The following DSCAML1 variants were observed in gnomAD, a reference collection of about 807,000 sequenced individuals.
The protein encoded by DSCAML1 is DS cell adhesion molecule like 1.
In DSCAML1, 38 loss-of-function variants were observed where a neutral mutation model predicts 200.5. That is an observed-to-expected ratio of 0.19 (90% CI 0.15 to 0.25). The LOEUF (loss-of-function observed/expected upper bound fraction) is 0.25. Ranked by LOEUF, DSCAML1 falls within the 10% of genes least tolerant of loss-of-function variation. The pLI is 1.00. For missense variants in DSCAML1, 2,223 were observed against 2,858.8 expected (o/e 0.78, Z 5.07); for synonymous variants, 1,215 against 1,165.0 (o/e 1.04, Z -0.87).
intron 3 of DSCAML1, among the ~76,000 whole-genome samples, chr11:117,539,809 G>A (rs1242819286): frequency 6.6e-6 from 1 of 152,020 alleles, no homozygotes; most frequent in Non-Finnish European, 1.5e-5. Context: ...CAGGGAGAGA[G>A]ATATTTGCAC....
intron 19 of DSCAML1, among the ~76,000 whole-genome samples, chr11:117,458,169 C>G (rs550045633): frequency 3.1e-4 from 47 of 152,318 alleles, no homozygotes; most frequent in African/African-American, 1.1e-3. Flanking sequence ...CCAGCCTCCC[C>G]TTTTCCCCTG....
chr11:117,813,987 AAAG>A (rs747364269), intron 1 of DSCAML1, among the ~76,000 whole-genome samples: 56 of 152,194 alleles, frequency 3.7e-4, no homozygotes, highest in Non-Finnish European at 7.5e-4. Flanking sequence ...AAGAATCACA[AAAG>A]AAGTGAAAAG....
chr11:117,438,990 G>A lies in DSCAML1; in HGVS notation c.4145-7C>T, dbSNP rs2047981014. 6.3e-6 allele frequency: 10 copies of A among 1,597,692 alleles called. No individual in the cohort carries two copies. The highest frequency in any genetic ancestry group is 2.7e-5 in the African/African-American group (2 of 73,842). On this transcript the variant is annotated splice_polypyrimidine_tract_variant and splice_region_variant and intron_variant, in intron 23 of 32. Transcript: ENST00000651296. Reference sequence around the variant, plus strand: ...CGGGGCTGGTCCGGGGGAACTGTGAGGGGAAAGCCACCACCCCTTAGCACA... The same window carrying A: ...CGGGGCTGGTCCGGGGGAACTGTGAAGGGAAAGCCACCACCCCTTAGCACA...
At chr11:117,667,483 G>A (rs958627285) in intron 3 of DSCAML1, among the ~76,000 whole-genome samples, 4 of 152,122 alleles carry the variant, frequency 2.6e-5, no homozygotes, top group Non-Finnish European at 4.4e-5. Context: ...TCTCTAATGG[G>A]CCAGCTTGCC....
In DSCAML1 at chr11:117,504,979, G is replaced by A. The variant is rs770322795; in HGVS notation, c.2127C>T (p.Leu709=). 31 of 1,612,664 alleles carry A rather than the reference G, an allele frequency of 1.9e-5. No individual in the cohort carries two copies. Among genetic ancestry groups the A allele is most frequent in the Non-Finnish European group, 2.6e-5 (31 of 1,179,282 alleles). The part of the protein sequence containing the change: ...QDGIYGKAGV[L]NCSVDGYPPP... ...GGGGGTAGCCGTCCACCGAGCAGTT[G>A]AGCACACCAGCTTTGCCGTAGATGC... Residue 709 remains leucine, a synonymous_variant, in exon 10 of 33, where the codon CTC becomes CTT. Coordinates refer to ENST00000651296, the MANE Select transcript of DSCAML1 (RefSeq NM_020693.4). The surrounding 1 kb of genome is among the most constrained non-coding windows in gnomAD (Gnocchi z 5.0).
chr11:117,636,790 T>A (rs2052295507), intron 3 of DSCAML1, among the ~76,000 whole-genome samples: 1 of 152,212 alleles, frequency 6.6e-6, no homozygotes, highest in Non-Finnish European at 1.5e-5. Context: ...GAATTTTACA[T>A]CTACTTTGTA....
intron 11 of DSCAML1, among the ~76,000 whole-genome samples, chr11:117,486,886 GAAA>G (rs57875880): frequency 8.3e-6 from 1 of 120,410 alleles, no homozygotes; most frequent in Non-Finnish European, 1.6e-5. Context: ...AATGTAGGAA[GAAA>G]AAAAAAAAGA....
rs548331914 is a variant in DSCAML1 at position 117,545,209 on chromosome 11, G to A, written c.512-12687C>T. On this transcript the variant is annotated intron_variant, in intron 3 of 32. Transcript: ENST00000651296. Reference sequence around the variant, plus strand: ...CGTGCCACCACACTCTAGCCTGGGCGACAGAGCAAGATTCCGTAAAAAAAA... The same window carrying A: ...CGTGCCACCACACTCTAGCCTGGGCAACAGAGCAAGATTCCGTAAAAAAAA... Among the ~76,000 whole-genome samples the A allele has an allele frequency of 3.4e-5, 5 of 148,960 alleles. No homozygotes were observed. The East Asian group carries it at 1.0e-3, about 30-fold the overall frequency.
chr11:117,624,255 A>G (rs1216198433), intron 3 of DSCAML1, among the ~76,000 whole-genome samples: 2 of 152,128 alleles, frequency 1.3e-5, no homozygotes, highest in African/African-American at 4.8e-5. Context: ...AAGGATGGGG[A>G]GCAGAGCCAG....
intron 3 of DSCAML1, among the ~76,000 whole-genome samples, chr11:117,666,996 G>A (rs1304606779): frequency 2.0e-5 from 3 of 152,234 alleles, no homozygotes; most frequent in Non-Finnish European, 4.4e-5. Context: ...TAGTGGCCTG[G>A]TCTGGGTGGT....
Position 117,516,603 on chromosome 11 carries a change from G to A in DSCAML1, c.1647C>T (p.His549=). The change falls in exon 8 of 33, where the codon CAC becomes CAT. Residue 549 remains histidine, a synonymous_variant. Coordinates refer to ENST00000651296, the MANE Select transcript of DSCAML1 (RefSeq NM_020693.4). This position sits in a 1 kb window ranked among gnomAD's most constrained non-coding sequence, Gnocchi z 5.7. The part of the protein sequence containing the change: ...YKDALLLPDN[H]RQVVFENGTL... ...TCCCATTCTCAAACACCACCTGGCGGTGGTTGTCTGGCAGCAGCAGGGCAT... is the reference window on the plus strand; with the variant it reads ...TCCCATTCTCAAACACCACCTGGCGATGGTTGTCTGGCAGCAGCAGGGCAT... 6.2e-7 allele frequency: 1 copy of A among 1,614,130 alleles called. No homozygotes were observed.
At chr11:117,526,033 C>T (rs892743092) in intron 4 of DSCAML1, among the ~76,000 whole-genome samples, 1 of 152,216 alleles carries the variant, frequency 6.6e-6, no homozygotes, top group African/African-American at 2.4e-5. Flanking sequence ...ACTACGAGAC[C>T]TGTGGCCTGA....
intron 5 of DSCAML1, among the ~76,000 whole-genome samples, chr11:117,523,944 ACT>A (rs2049927189): frequency 6.6e-6 from 1 of 152,204 alleles, no homozygotes; most frequent in Non-Finnish European, 1.5e-5. Context: ...AGAGCAGGGA[ACT>A]CAGAGAGTCA....
rs931418333 is a variant in DSCAML1 at position 117,477,773 on chromosome 11, A to G, written c.2785+2670T>C. On this transcript the variant is annotated intron_variant, in intron 14 of 32. Coordinates refer to ENST00000651296, the MANE Select transcript of DSCAML1 (RefSeq NM_020693.4). ...ATGCCCAGGGTCTCTGCTGGCCTCC[A>G]GTGATAGCACACTGCAGTTCTCATG... Among the ~76,000 whole-genome samples the G allele has an allele frequency of 2.0e-5, 3 of 152,282 alleles. No homozygotes were observed. The East Asian group carries it at 5.8e-4, about 29-fold the overall frequency.
chr11:117,799,688 G>A (rs1337563321), upstream of DSCAML1, among the ~76,000 whole-genome samples: 1 of 152,228 alleles, frequency 6.6e-6, no homozygotes, highest in East Asian at 1.9e-4. Flanking sequence ...TGAGTCCTCA[G>A]CCCAGCTCTG....
At chr11:117,682,611 T>A (rs1003320636) in intron 3 of DSCAML1, among the ~76,000 whole-genome samples, 2 of 152,186 alleles carry the variant, frequency 1.3e-5, no homozygotes, top group Non-Finnish European at 2.9e-5. Context: ...CTGGACATCC[T>A]GCACCCTGAC....
intron 3 of DSCAML1, among the ~76,000 whole-genome samples, chr11:117,613,022 T>TCTA (rs1555190301): frequency 6.6e-6 from 1 of 152,160 alleles, no homozygotes; most frequent in Non-Finnish European, 1.5e-5. Context: ...CTAGGGTCCA[T>TCTA]GGATGGGCTT....
chr11:117,786,283 G>A lies in DSCAML1; in HGVS notation c.47-5473C>T, dbSNP rs561092280. 7.9e-5 allele frequency among the ~76,000 whole-genome samples: 12 copies of A among 152,300 alleles called. 1 individual carries two copies. Among genetic ancestry groups the A allele is most frequent in the African/African-American group, 2.9e-4 (12 of 41,550 alleles). ...TTGGTTGTCATGTGACAGACGCCCA[G>A]ACTTAAACCCATTTAATCTTCTCTG... On this transcript the variant is annotated intron_variant, in intron 1 of 32. Coordinates refer to ENST00000651296, the MANE Select transcript of DSCAML1 (RefSeq NM_020693.4).
In DSCAML1 at chr11:117,775,021, A is replaced by G. The variant is rs184380278; in HGVS notation, c.511+1770T>C. 1.1e-3 allele frequency among the ~76,000 whole-genome samples: 169 copies of G among 152,318 alleles called. 1 individual carries two copies. The highest frequency in any genetic ancestry group is 3.8e-3 in the African/African-American group (160 of 41,566). ...TTAATGGATGTAATGCTTAGTCTAT[A>G]AACTTAAGTATATAAGAAATACCAC... On this transcript the variant is annotated intron_variant, in intron 3 of 32. Transcript: ENST00000651296.
Sources: gnomAD v4.1 joint callset for allele counts (sites outside exome capture counted in the v4.1 genomes callset) on GRCh38, gnomAD v4.1.1 for gene constraint, Gnocchi (gnomAD v3.1) non-coding constraint, MANE v1.5 for transcripts, NCBI Gene and HGNC (gene_info 2026-07-23, HGNC 2026-07-21) for gene names.